The following LAD1 variants were observed in gnomAD, a reference collection of about 807,000 sequenced individuals.
The protein encoded by LAD1 is ladinin 1, also known as ladinin-1.
In LAD1, 53 loss-of-function variants were observed where a neutral mutation model predicts 54.2. The observed-to-expected ratio is 0.98, with a 90% CI of 0.78 to 1.23. The LOEUF is 1.23. LAD1 is among the 50% of genes most tolerant of loss of function. The probability of loss-of-function intolerance (pLI) is 0.00; values close to 1 mark genes in which losing one functional copy is unlikely to be tolerated. For missense variants in LAD1, 637 were observed against 653.3 expected, an observed-to-expected ratio of 0.98 and a Z score of 0.27; for synonymous variants, 231 against 257.7, an observed-to-expected ratio of 0.90 and a Z score of 0.99.
chr1:201,383,848 C>G (rs1325087718), intron 5 of LAD1, among the ~76,000 whole-genome samples: 1 of 152,240 alleles, frequency 6.6e-6, no homozygotes, highest in African/African-American at 2.4e-5. Flanking sequence ...TTCCCTCCCC[C>G]ACAGTATGCC....
intron 1 of LAD1, among the ~76,000 whole-genome samples, chr1:201,398,895 G>A (rs1221620543): frequency 6.6e-6 from 1 of 152,172 alleles, no homozygotes; most frequent in African/African-American, 2.4e-5. Flanking sequence ...AGACACACGG[G>A]GGCAGTGAGA....
rs190928739 is a variant in LAD1 at position 201,398,893 on chromosome 1, G to A, written c.38+376C>T. On this transcript the variant is annotated intron_variant, in intron 1 of 9. Coordinates refer to ENST00000391967, the MANE Select transcript of LAD1 (RefSeq NM_005558.4). ...GGGGTCCTCTCCGCCAGAGACACAC[G>A]GGGGCAGTGAGAGAGGCTTCTCTCA... Among the ~76,000 whole-genome samples the A allele has an allele frequency of 8.8e-4, 134 of 152,286 alleles. 1 individual carries two copies. In the East Asian group the frequency reaches 0.021, roughly 24 times the overall value.
intron 2 of LAD1, among the ~76,000 whole-genome samples, chr1:201,388,255 G>A (rs1021707160): frequency 2.0e-5 from 3 of 152,150 alleles, no homozygotes; most frequent in South Asian, 2.1e-4. Context: ...TCCGGGCATG[G>A]TGGCAGGTGC....
At chr1:201,385,569 C>A in intron 4 of LAD1, 132 bp downstream of exon 4, 1 of 746,014 alleles carries the variant, frequency 1.3e-6, no homozygotes, top group Non-Finnish European at 2.4e-6. Context: ...CAGGGCCACC[C>A]ATGGGAATCC....
rs1331271527 is a variant in LAD1, at chr1:201,383,373, G to A, written c.1192C>T (p.Pro398Ser). Residue 398 changes from proline (P) to serine (S), a missense_variant, in exon 6 of 10, where the codon CCA (proline) becomes TCA (serine). Coordinates refer to ENST00000391967, the MANE Select transcript of LAD1 (RefSeq NM_005558.4). ...TCTCCCAACTTCACTGTGTTGTCTGGGAGCTTCATGCTGGCACTGCAGGAT... is the reference window on the plus strand; with the variant it reads ...TCTCCCAACTTCACTGTGTTGTCTGAGAGCTTCATGCTGGCACTGCAGGAT... ...TLTRSASMKL[P>S]DNTVKLGEKL... 6.2e-7 allele frequency: 1 copy of A among 1,613,936 alleles called. No homozygotes were observed. Among genetic ancestry groups the A allele is most frequent in the Non-Finnish European group, 8.5e-7 (1 of 1,180,008 alleles).
intron 6 of LAD1, 31 bp downstream of exon 6, chr1:201,383,286 C>A (rs990315943): frequency 6.2e-7 from 1 of 1,614,014 alleles, no homozygotes; most frequent in Non-Finnish European, 8.5e-7. Context: ...CATCCTGCAC[C>A]CTCCGCCCCT....
intron 1 of LAD1, 30 bp from the exon 2 acceptor site, chr1:201,389,333 G>T: frequency 1.2e-6 from 2 of 1,601,780 alleles, no homozygotes; most frequent in South Asian, 1.1e-5. Context: ...GGTCAGCACA[G>T]CTGGGGAAAC....
intron 3 of LAD1, 129 bp downstream of exon 3, chr1:201,386,206 C>A: frequency 2.1e-6 from 2 of 971,180 alleles, no homozygotes; most frequent in Middle Eastern, 3.5e-4. Flanking sequence ...AAAGAAGAGA[C>A]TTCCAAGGCC....
rs1362898739 is a variant in LAD1, at chr1:201,387,144, G to A, written c.217C>T (p.Pro73Ser). The change falls in exon 3 of 10, where the codon CCA becomes TCA. Residue 73 changes from proline to serine, a missense_variant. By Grantham distance (74) the Pro-to-Ser change is moderately conservative (BLOSUM62 -1). Transcript: ENST00000391967. ...TCATCTTTGGAGGCTGGGGGCAGTG[G>A]CTTGGGCACCTCTGCTTCTTCCACG... ...PSVEEAEVPK[P>S]LPPASKDEDE... 1.3e-6 allele frequency: 2 copies of A among 1,534,518 alleles called. No homozygotes were observed. Among genetic ancestry groups the A allele is most frequent in the South Asian group, 1.3e-5 (1 of 76,748 alleles).
chr1:201,396,792 G>C (rs561155609), intron 1 of LAD1, among the ~76,000 whole-genome samples: 2 of 152,158 alleles, frequency 1.3e-5, no homozygotes, highest in African/African-American at 4.8e-5. Context: ...GTCACTGTGG[G>C]GGGTAACTCA....
At chr1:201,385,670 G>T in intron 4 of LAD1, 31 bp downstream of exon 4, 1 of 1,515,228 alleles carries the variant, frequency 6.6e-7, no homozygotes, top group Non-Finnish European at 9.2e-7. Flanking sequence ...CCCTCCAGTG[G>T]CTCGCAGACC....
rs1662095412 is a variant in LAD1, at chr1:201,386,654, G to GC, written c.706_707insG (p.Thr236SerfsTer5). ...GGCCAGCGACTTCTCAGAGACACTGGTTTTTTCTAGAACAGACTTCTTCTC... is the reference window on the plus strand; with the variant it reads ...GGCCAGCGACTTCTCAGAGACACTGGCTTTTTTCTAGAACAGACTTCTTCTC... On this transcript the variant is annotated frameshift_variant, in exon 3 of 10. Transcript: ENST00000391967. LOFTEE classifies it high-confidence loss of function. The GC allele has an allele frequency of 6.2e-7, 1 of 1,614,192 alleles. No individual in the cohort carries two copies. Among genetic ancestry groups the GC allele is most frequent in the Non-Finnish European group, 8.5e-7 (1 of 1,180,022 alleles).
At chr1:201,383,613 C>T (rs377140203) in intron 5 of LAD1, 3 of 587,814 alleles carry the variant, frequency 5.1e-6, no homozygotes, top group Middle Eastern at 4.5e-4. Flanking sequence ...ATAGGACATC[C>T]CTTCTCCCCC....
At position 201,386,513 on chromosome 1, in the gene LAD1, C is replaced by T. The variant is rs762292652; in HGVS notation, c.848G>A (p.Arg283Lys). The T allele has an allele frequency of 5.0e-6, 8 of 1,593,002 alleles. No homozygotes were observed. In the African/African-American group the frequency reaches 5.4e-5, roughly 11 times the overall value. Reference sequence around the variant, plus strand: ...CAGGGGCTGCTCTGAGGCTGTGGCCCTCTTTGGGGCCGGCTTAGCATCTGC... The same window carrying T: ...CAGGGGCTGCTCTGAGGCTGTGGCCTTCTTTGGGGCCGGCTTAGCATCTGC... ...PTADAKPAPK[R>K]ATASEQPLAQ... The change falls in exon 3 of 10, where the codon AGG becomes AAG. Residue 283 changes from arginine to lysine, a missense_variant. By Grantham distance (26) the Arg-to-Lys change is conservative. Transcript: ENST00000391967.
At chr1:201,398,782 C>G (rs1017400237) in intron 1 of LAD1, among the ~76,000 whole-genome samples, 1 of 152,232 alleles carries the variant, frequency 6.6e-6, no homozygotes, top group African/African-American at 2.4e-5. Flanking sequence ...GGAGACGGGT[C>G]TGCTTCCCTC....
At chr1:201,382,855 C>T in intron 7 of LAD1, 116 bp from the exon 8 acceptor site, 2 of 954,468 alleles carry the variant, frequency 2.1e-6, no homozygotes, top group South Asian at 1.5e-5. Context: ...CCAGCACATG[C>T]CACATATACC....
intron 4 of LAD1, 56 bp from the exon 5 acceptor site, chr1:201,384,891 C>G (rs1481518110): frequency 1.9e-6 from 3 of 1,575,208 alleles, no homozygotes; most frequent in Middle Eastern, 2.0e-4. Flanking sequence ...ATCGGTGGCC[C>G]CCTCGAGTGA....
rs755985151 is a variant in LAD1 at position 201,383,410 on chromosome 1, C to A, written c.1176-21G>T. 15 of 1,613,230 alleles carry A rather than the reference C, an allele frequency of 9.3e-6. No individual in the cohort carries two copies. In the East Asian group the frequency reaches 2.9e-4, roughly 31 times the overall value. ...TGGCACTGCAGGATGGAAGATGGAA[C>A]AGGCGAGCCAAGTGAGACACCCAGG... On this transcript the variant is annotated intron_variant, in intron 5 of 9. Coordinates refer to ENST00000391967, the MANE Select transcript of LAD1 (RefSeq NM_005558.4).
In LAD1 at chr1:201,382,679, G is replaced by A. The variant is rs747391583; in HGVS notation, c.1447C>T (p.Gln483Ter). ...TGGGGGTCCTGATCTCCAGATTCCT[G>A]GGTCCTGCTGATCCACAGGTTGAGC... is the stretch of plus-strand genomic sequence containing the variant. ...SRLNLWISRT[Q>*]ESGDQDPQEA... Residue 483 changes from glutamine to a stop codon, truncating the protein, a stop_gained, in exon 8 of 10, where the codon CAG (glutamine) becomes TAG (stop). Coordinates refer to ENST00000391967, the MANE Select transcript of LAD1 (RefSeq NM_005558.4). LOFTEE classifies it high-confidence loss of function. The A allele has an allele frequency of 1.9e-6, 3 of 1,606,824 alleles. No homozygotes were observed. Among genetic ancestry groups the A allele is most frequent in the African/African-American group, 1.3e-5 (1 of 74,850 alleles).
Sources: allele counts gnomAD v4.1 joint callset (sites outside exome capture counted in the v4.1 genomes callset), GRCh38; gene constraint gnomAD v4.1.1; transcripts MANE v1.5; gene names NCBI Gene and HGNC (gene_info 2026-07-23, HGNC 2026-07-21).